Variants in GRIK3 observed in about 807,000 individuals in gnomAD.
GRIK3 encodes glutamate receptor ionotropic, kainate 3.
In GRIK3, 29 loss-of-function variants were observed where a neutral mutation model predicts 102.5. The ratio of observed to expected loss-of-function variants is 0.28; its 90% CI spans 0.21 to 0.39. The LOEUF is 0.39. Among genes scored for constraint, GRIK3 ranks in the 10% least tolerant of loss-of-function variants. The probability of loss-of-function intolerance (pLI) is 1.00; values close to 1 mark genes in which losing one functional copy is unlikely to be tolerated. For synonymous variants in GRIK3, 511 were observed against 504.9 expected, an observed-to-expected ratio of 1.01 and a Z score of -0.16; for missense variants, 908 against 1,252.4, an observed-to-expected ratio of 0.73 and a Z score of 4.15.
intron 9 of GRIK3, among the ~76,000 whole-genome samples, chr1:36,846,401 A>C (rs1267309266): frequency 2.6e-5 from 4 of 152,186 alleles, no homozygotes; most frequent in Non-Finnish European, 5.9e-5. Flanking sequence ...GTGGCAGCTC[A>C]CACAGAGCTG....
At chr1:36,901,365 A>T (rs1421942800) in intron 1 of GRIK3, among the ~76,000 whole-genome samples, 1 of 152,228 alleles carries the variant, frequency 6.6e-6, no homozygotes, top group African/African-American at 2.4e-5. Flanking sequence ...CCAGGTATGC[A>T]AGGCTGTTTC....
chr1:36,956,667 G>C (rs1641915936), intron 1 of GRIK3, among the ~76,000 whole-genome samples: 1 of 152,164 alleles, frequency 6.6e-6, no homozygotes, highest in Non-Finnish European at 1.5e-5. Flanking sequence ...GGGGAGCACA[G>C]AACAAAAGCC....
intron 1 of GRIK3, among the ~76,000 whole-genome samples, chr1:36,914,872 C>T (rs572414529): frequency 6.6e-6 from 1 of 152,328 alleles, no homozygotes; most frequent in South Asian, 2.1e-4. Flanking sequence ...TGTGAGCACA[C>T]ATCTCACCTG....
At chr1:36,894,665 G>A (rs984404535) in intron 1 of GRIK3, among the ~76,000 whole-genome samples, 5 of 152,164 alleles carry the variant, frequency 3.3e-5, no homozygotes, top group African/African-American at 9.7e-5. Flanking sequence ...CATGGGAATC[G>A]GTGTGCAGGT....
At chr1:36,914,592 A>G (rs554156306) in intron 1 of GRIK3, among the ~76,000 whole-genome samples, 5 of 152,294 alleles carry the variant, frequency 3.3e-5, no homozygotes, top group South Asian at 4.2e-4. Context: ...GGTGTGAGCT[A>G]TTTGAGGTCC....
In GRIK3 at chr1:36,850,223, TG is replaced by T. The variant is rs1410577067; in HGVS notation, c.1326+87del. On this transcript the variant is annotated intron_variant, in intron 9 of 15. Coordinates refer to ENST00000373091, the MANE Select transcript of GRIK3 (RefSeq NM_000831.4). The surrounding 1 kb of genome is among the most constrained non-coding windows in gnomAD (Gnocchi z 4.0). Reference sequence around the variant, plus strand: ...CTACCTGCAGCCTCCATCTTCTGGGTGGGGGGGATAGAGGGGACTCTCCAGC... The same window carrying T: ...CTACCTGCAGCCTCCATCTTCTGGGTGGGGGGATAGAGGGGACTCTCCAGC... 29 of 792,250 alleles carry T rather than the reference TG, an allele frequency of 3.7e-5. No homozygotes were observed. The highest frequency in any genetic ancestry group is 2.3e-4 in the Middle Eastern group (1 of 4,308). 49.1% of individuals were successfully genotyped at this position (792,250 alleles called of 1,614,324 possible). A position where few individuals can be genotyped will look rare whatever the true frequency, so the allele number is the denominator to read the frequency against.
intron 1 of GRIK3, among the ~76,000 whole-genome samples, chr1:37,024,196 G>C (rs1642743425): frequency 6.6e-6 from 1 of 152,206 alleles, no homozygotes; most frequent in Admixed American, 6.5e-5. Flanking sequence ...AAGTAGCACT[G>C]TGGTCATCTT....
At chr1:37,020,873 G>C (rs545573353) in intron 1 of GRIK3, among the ~76,000 whole-genome samples, 1 of 152,174 alleles carries the variant, frequency 6.6e-6, no homozygotes, top group African/African-American at 2.4e-5. Flanking sequence ...GCTCTCCGTG[G>C]TGCTGAACAC....
chr1:37,008,610 C>T (rs1350130375), intron 1 of GRIK3, among the ~76,000 whole-genome samples: 2 of 152,208 alleles, frequency 1.3e-5, no homozygotes, highest in Non-Finnish European at 2.9e-5. Context: ...GACGGGGACA[C>T]AGGAGGGTGG....
intron 1 of GRIK3, among the ~76,000 whole-genome samples, chr1:36,900,014 T>C (rs1375156915): frequency 6.6e-6 from 1 of 152,188 alleles, no homozygotes; most frequent in Non-Finnish European, 1.5e-5. Context: ...TCAGTAAGGT[T>C]ATAGTTAAAC....
At chr1:36,807,277 G>T (rs1435001934) in intron 13 of GRIK3, among the ~76,000 whole-genome samples, 1 of 152,000 alleles carries the variant, frequency 6.6e-6, no homozygotes, top group African/African-American at 2.4e-5. Flanking sequence ...AGTGTCCCTT[G>T]CTGCCTGGGG....
At chr1:36,953,309 TAG>T (rs1316851657) in intron 1 of GRIK3, among the ~76,000 whole-genome samples, 1 of 151,988 alleles carries the variant, frequency 6.6e-6, no homozygotes, top group Non-Finnish European at 1.5e-5. Flanking sequence ...CTGGCACAGG[TAG>T]AGGGCAAGAG....
chr1:36,982,791 G>A (rs1178540633), intron 1 of GRIK3, among the ~76,000 whole-genome samples: 1 of 151,036 alleles, frequency 6.6e-6, no homozygotes, highest in Non-Finnish European at 1.5e-5. Flanking sequence ...GAGGCCGGGA[G>A]AGGGAGGGAA....
chr1:36,867,852 G>T (rs980341570), intron 5 of GRIK3, among the ~76,000 whole-genome samples: 5 of 152,152 alleles, frequency 3.3e-5, no homozygotes, highest in Admixed American at 2.0e-4. Context: ...CCTATTAAAA[G>T]CATCTCTGCC....
intron 10 of GRIK3, among the ~76,000 whole-genome samples, chr1:36,827,295 C>T (rs1169715453): frequency 3.9e-5 from 6 of 152,198 alleles, no homozygotes; most frequent in African/African-American, 9.7e-5. Context: ...TAACCTTCCC[C>T]TCTGAGAGGC....
intron 3 of GRIK3, among the ~76,000 whole-genome samples, chr1:36,874,926 G>A (rs1005491731): frequency 1.7e-4 from 26 of 152,328 alleles, no homozygotes; most frequent in Admixed American, 1.7e-3. Context: ...TCCAGCAGAG[G>A]ACTAGGCTCT....
intron 10 of GRIK3, among the ~76,000 whole-genome samples, chr1:36,836,162 C>T (rs1314811899): frequency 6.6e-6 from 1 of 152,222 alleles, no homozygotes; most frequent in African/African-American, 2.4e-5. Flanking sequence ...ATTTCCTGGC[C>T]ACACAAACAA....
At chr1:36,860,484 C>A (rs1444031904) in intron 5 of GRIK3, among the ~76,000 whole-genome samples, 1 of 152,174 alleles carries the variant, frequency 6.6e-6, no homozygotes, top group Admixed American at 6.5e-5. Flanking sequence ...GCCTAGGACT[C>A]AAAAAGTATG....
intron 3 of GRIK3, among the ~76,000 whole-genome samples, chr1:36,876,998 C>G (rs1011201024): frequency 1.3e-5 from 2 of 152,318 alleles, no homozygotes; most frequent in Admixed American, 1.3e-4. Flanking sequence ...ATCCTATCTC[C>G]TTTTGAGAAG....
Sources: gnomAD v4.1 joint callset for allele counts (sites outside exome capture counted in the v4.1 genomes callset) on GRCh38, gnomAD v4.1.1 for gene constraint, Gnocchi (gnomAD v3.1) non-coding constraint, MANE v1.5 for transcripts, NCBI Gene and HGNC (gene_info 2026-07-23, HGNC 2026-07-21) for gene names.